MYOM1: variants seen among roughly 807,000 people sequenced by gnomAD.
The protein encoded by MYOM1 is myomesin-1.
A neutral mutation model predicts 205.3 loss-of-function variants in MYOM1; 164 were observed. The ratio of observed to expected loss-of-function variants is 0.80; its 90% confidence interval spans 0.70 to 0.91. The LOEUF (loss-of-function observed/expected upper bound fraction) is 0.91. MYOM1 is among the 40% of genes least tolerant of loss of function. The pLI is 0.00. For missense variants in MYOM1, 2,011 were observed against 2,127.3 expected (o/e 0.95, Z 1.08); for synonymous variants, 772 against 789.4 (o/e 0.98, Z 0.37).
chr18:3,146,310 C>G (rs1479120264), intron 13 of MYOM1, among the ~76,000 whole-genome samples: 2 of 152,026 alleles, frequency 1.3e-5, no homozygotes, highest in Non-Finnish European at 2.9e-5. Flanking sequence ...AACCACAGAC[C>G]AATATCTTTT....
At position 3,202,182 on chromosome 18, in the gene MYOM1, A is replaced by C. The variant is rs572981536; in HGVS notation, c.291-8224T>G. 5.0e-4 allele frequency among the ~76,000 whole-genome samples: 76 copies of C among 152,324 alleles called. 2 individuals are homozygous for C. In the South Asian group the frequency reaches 0.015, roughly 29 times the overall value. The stretch of plus-strand genomic sequence containing the variant: ...GTAATTCCTAAGGCAATCCCTAGGA[A>C]AATAGCTCAAAGAATATAGTCAAGA... On this transcript the variant is annotated intron_variant, in intron 2 of 37. Coordinates refer to ENST00000356443, the MANE Select transcript of MYOM1 (RefSeq NM_003803.4).
chr18:3,175,831 A>G (rs967021375), intron 6 of MYOM1, among the ~76,000 whole-genome samples: 1 of 152,252 alleles, frequency 6.6e-6, no homozygotes, highest in Admixed American at 6.5e-5. Flanking sequence ...GAATCCAAAT[A>G]TAAAATCACT....
intron 31 of MYOM1, among the ~76,000 whole-genome samples, chr18:3,084,756 A>G (rs887350272): frequency 6.6e-6 from 1 of 152,212 alleles, no homozygotes; most frequent in Non-Finnish European, 1.5e-5. Flanking sequence ...TTGAGCCTGG[A>G]ACATTTTTAT....
intron 19 of MYOM1, among the ~76,000 whole-genome samples, chr18:3,125,996 C>T (rs115580072): frequency 0.015 from 2,276 of 152,104 alleles, 50 homozygotes; most frequent in African/African-American, 0.051. Flanking sequence ...CAGCCGGCCG[C>T]GGTGGCTCAT....
chr18:3,140,224 T>C (rs1284864361), intron 14 of MYOM1, among the ~76,000 whole-genome samples: 1 of 152,036 alleles, frequency 6.6e-6, no homozygotes, highest in Non-Finnish European at 1.5e-5. Flanking sequence ...CTGGCTAACA[T>C]GGTGAAACCC....
At chr18:3,071,984 T>G (rs1465902577) in intron 36 of MYOM1, 95 bp from the exon 37 acceptor site, 1 of 1,028,840 alleles carries the variant, frequency 9.7e-7, no homozygotes, top group Non-Finnish European at 1.5e-6. Context: ...CCAATTTAGT[T>G]TCCTTCTCCT....
the MYOM1 span, among the ~76,000 whole-genome samples, chr18:3,229,617 C>T: frequency 2.7e-4 from 41 of 152,136 alleles, no homozygotes; most frequent in Non-Finnish European, 5.3e-4. Context: ...TGTACTCTTT[C>T]CTCATTGCCC....
chr18:3,187,511 T>C lies in MYOM1; in HGVS notation c.898A>G (p.Ile300Val). The change falls in exon 5 of 38, where the codon ATA becomes GTA. Residue 300 changes from isoleucine to valine, a missense_variant. Physicochemically the swap from Ile to Val is conservative, Grantham distance 29. Transcript: ENST00000356443. ...ACACGAGGTTCTGGCCAGCCTGCTA[T>C]GGAGCAATGCAATTTTACATTCTCC... Reference protein sequence around the residue: ...EKENVKLHCSIAGWPEPRVTW... With the variant: ...EKENVKLHCSVAGWPEPRVTW... 5 of 1,613,980 alleles carry C rather than the reference T, an allele frequency of 3.1e-6. No homozygotes were observed. The highest frequency in any genetic ancestry group is 2.2e-5 in the South Asian group (2 of 91,084).
intron 9 of MYOM1, 101 bp downstream of exon 9, chr18:3,168,716 C>T: frequency 8.0e-7 from 1 of 1,248,738 alleles, no homozygotes. Context: ...AAGGTAGTCC[C>T]TTCTAACTTC....
Position 3,188,832 on chromosome 18 carries a change from AG to A in MYOM1, c.686del (p.Ala229ValfsTer16), listed in dbSNP as rs2080861123. ...QSVVSKQATS[A>X]LQQEETSEKK... Reference sequence around the variant, plus strand: ...TTTCAGAAGTTTCTTCCTGTTGAAGAGCGGATGTGGCCTGTTTGGAAACCAC... The same window carrying A: ...TTTCAGAAGTTTCTTCCTGTTGAAGACGGATGTGGCCTGTTTGGAAACCAC... On this transcript the variant is annotated frameshift_variant, in exon 4 of 38. Coordinates refer to ENST00000356443, the MANE Select transcript of MYOM1 (RefSeq NM_003803.4). LOFTEE classifies it high-confidence loss of function. 6.2e-7 allele frequency: 1 copy of A among 1,612,772 alleles called. No individual in the cohort carries two copies. The highest frequency in any genetic ancestry group is 1.3e-5 in the African/African-American group (1 of 74,908).
intron 2 of MYOM1, among the ~76,000 whole-genome samples, chr18:3,197,970 A>G (rs2081015230): frequency 6.6e-6 from 1 of 152,226 alleles, no homozygotes; most frequent in South Asian, 2.1e-4. Flanking sequence ...CCATAAAACC[A>G]TGTCATACTG....
chr18:3,117,377 T>C (rs766653776), intron 20 of MYOM1, among the ~76,000 whole-genome samples: 1 of 152,244 alleles, frequency 6.6e-6, no homozygotes, highest in Non-Finnish European at 1.5e-5. Flanking sequence ...TACAAAATCC[T>C]TTTACCAAAT....
the MYOM1 span, among the ~76,000 whole-genome samples, chr18:3,245,072 T>C: frequency 2.0e-5 from 3 of 152,168 alleles, no homozygotes. Context: ...GGCCAGCACT[T>C]TGATCTTGGA....
intron 2 of MYOM1, among the ~76,000 whole-genome samples, chr18:3,201,804 C>T (rs1336974070): frequency 6.6e-6 from 1 of 151,948 alleles, no homozygotes; most frequent in Non-Finnish European, 1.5e-5. Context: ...TCACCATGCC[C>T]AGCTAATTTC....
chr18:3,155,261 A>T (rs543746151), intron 10 of MYOM1, among the ~76,000 whole-genome samples, 173 bp from the exon 11 acceptor site: 2 of 152,146 alleles, frequency 1.3e-5, no homozygotes, highest in African/African-American at 4.8e-5. Flanking sequence ...TCGCTCTGTC[A>T]CCCAGGCTGG....
chr18:3,213,372 G>A (rs1050854261), intron 2 of MYOM1, among the ~76,000 whole-genome samples: 4 of 152,158 alleles, frequency 2.6e-5, no homozygotes, highest in African/African-American at 2.4e-5. Context: ...GGTGGTTATC[G>A]ACCACATAGC....
chr18:3,072,012 G>GT, intron 36 of MYOM1, 123 bp from the exon 37 acceptor site: 2 of 802,480 alleles, frequency 2.5e-6, no homozygotes, highest in Non-Finnish European at 4.1e-6. Flanking sequence ...CTTTTATACA[G>GT]TTTTCAACAT....
chr18:3,206,503 T>C (rs1201533020), intron 2 of MYOM1, among the ~76,000 whole-genome samples: 1 of 152,202 alleles, frequency 6.6e-6, no homozygotes, highest in Non-Finnish European at 1.5e-5. Context: ...CGCTGGGAAT[T>C]TGCATTCTCT....
At chr18:3,200,147 C>A (rs2081046919) in intron 2 of MYOM1, among the ~76,000 whole-genome samples, 6 of 151,792 alleles carry the variant, frequency 4.0e-5, no homozygotes, top group Admixed American at 3.9e-4. Context: ...CCAGACTGGG[C>A]AACAGAGTGA....
Sources: allele counts gnomAD v4.1 joint callset (sites outside exome capture counted in the v4.1 genomes callset), GRCh38; gene constraint gnomAD v4.1.1; transcripts MANE v1.5; gene names NCBI Gene and HGNC (gene_info 2026-07-23, HGNC 2026-07-21).